CRACD: variants seen among roughly 807,000 people sequenced by gnomAD.
CRACD encodes the protein capping protein inhibiting regulator of actin dynamics.
CRACD carries 56 observed loss-of-function variants against 106.8 expected under a neutral mutation model. The observed-to-expected ratio is 0.52, with a 90% confidence interval of 0.42 to 0.66. The LOEUF is 0.66. Among genes scored for constraint, CRACD ranks in the 30% least tolerant of loss-of-function variants. CRACD has a pLI of 0.00. For missense variants in CRACD, 1,730 were observed against 1,623.2 expected (o/e 1.07, Z -1.13); for synonymous variants, 754 against 670.8 (o/e 1.12, Z -1.92).
At chr4:56,260,927 A>G (rs377018048) in intron 2 of CRACD, among the ~76,000 whole-genome samples, 1 of 138,378 alleles carries the variant, frequency 7.2e-6, no homozygotes, top group Non-Finnish European at 1.6e-5. Flanking sequence ...CCATCCGTCC[A>G]TCCATCCCTC....
intron 1 of CRACD, among the ~76,000 whole-genome samples, chr4:56,077,834 G>C (rs1732894523): frequency 6.6e-6 from 1 of 152,202 alleles, no homozygotes; most frequent in South Asian, 2.1e-4. Flanking sequence ...CAGGGTTACT[G>C]CTGCAATAGG....
At chr4:56,095,553 A>T (rs1733572893) in intron 1 of CRACD, among the ~76,000 whole-genome samples, 1 of 152,132 alleles carries the variant, frequency 6.6e-6, no homozygotes, top group Non-Finnish European at 1.5e-5. Flanking sequence ...CAAGCTGAGG[A>T]CACAGTGTGT....
At chr4:56,161,674 G>C (rs759875582) in intron 1 of CRACD, among the ~76,000 whole-genome samples, 14 of 151,976 alleles carry the variant, frequency 9.2e-5, no homozygotes, top group Non-Finnish European at 1.8e-4. Flanking sequence ...TGGCCAGGTT[G>C]GTCTCGAACT....
chr4:56,203,185 C>T (rs567980523), intron 2 of CRACD, among the ~76,000 whole-genome samples: 1 of 152,186 alleles, frequency 6.6e-6, no homozygotes, highest in Non-Finnish European at 1.5e-5. Context: ...GTAATCTAGC[C>T]AGCAAGTAAA....
At chr4:56,265,285 T>C (rs1454985685) in intron 2 of CRACD, among the ~76,000 whole-genome samples, 1 of 152,206 alleles carries the variant, frequency 6.6e-6, no homozygotes, top group Non-Finnish European at 1.5e-5. Context: ...TTCAGGCCAT[T>C]GTTGTATACA....
chr4:56,105,452 TCATGCCACTGTGCTCCAG>T (rs1733919163), intron 1 of CRACD, among the ~76,000 whole-genome samples: 1 of 152,222 alleles, frequency 6.6e-6, no homozygotes, highest in Non-Finnish European at 1.5e-5. Flanking sequence ...TGAGCCCTGA[TCATGCCACTGTGCTCCAG>T]CATGGGCAAC....
chr4:56,289,701 A>C (rs955441431), intron 3 of CRACD, among the ~76,000 whole-genome samples: 1 of 152,084 alleles, frequency 6.6e-6, no homozygotes, highest in South Asian at 2.1e-4. Flanking sequence ...AAAAAAAAAA[A>C]AAACAAAGTA....
At chr4:56,240,434 TAGG>T (rs749752706) in intron 2 of CRACD, among the ~76,000 whole-genome samples, 3 of 152,188 alleles carry the variant, frequency 2.0e-5, no homozygotes, top group Non-Finnish European at 2.9e-5. Context: ...TTTCTGGCAT[TAGG>T]AGGGCATCAC....
intron 9 of CRACD, 76 bp downstream of exon 9, chr4:56,323,643 AAAAGG>A: frequency 1.5e-6 from 2 of 1,364,448 alleles, no homozygotes; most frequent in Non-Finnish European, 1.9e-6. Flanking sequence ...GATACAAAAC[AAAAGG>A]CTAGCTGGGC....
intron 3 of CRACD, among the ~76,000 whole-genome samples, chr4:56,284,586 G>A (rs994316889): frequency 3.3e-5 from 5 of 152,162 alleles, no homozygotes; most frequent in South Asian, 4.1e-4. Flanking sequence ...TTAGCCAGGC[G>A]TGGTGGTGGG....
At chr4:56,222,093 T>A (rs1577758303) in intron 2 of CRACD, among the ~76,000 whole-genome samples, 1 of 152,336 alleles carries the variant, frequency 6.6e-6, no homozygotes, top group African/African-American at 2.4e-5. Context: ...TGCACGCATA[T>A]GTTTTTTGCA....
chr4:56,260,597 A>G (rs918945709), intron 2 of CRACD, among the ~76,000 whole-genome samples: 2 of 152,202 alleles, frequency 1.3e-5, no homozygotes, highest in Non-Finnish European at 2.9e-5. Context: ...AGGTGTAATG[A>G]AAGTCCACAG....
rs138103502 is a variant in CRACD at position 56,241,455 on chromosome 4, C to T, written c.-188-30866C>T. ...AAGCAACTAGGGTGAATTACCCCTCCCAATTCCTCTGCCTCTAATTTCGTC... is the reference window on the plus strand; with the variant it reads ...AAGCAACTAGGGTGAATTACCCCTCTCAATTCCTCTGCCTCTAATTTCGTC... On this transcript the variant is annotated intron_variant, in intron 2 of 10. Coordinates refer to ENST00000682029, the MANE Select transcript of CRACD (RefSeq NM_001393381.1). Among the ~76,000 whole-genome samples, 24 of 151,978 alleles carry T rather than the reference C, an allele frequency of 1.6e-4. No individual in the cohort carries two copies. The East Asian group carries it at 4.5e-3, about 28-fold the overall frequency.
chr4:56,093,315 T>C (rs564399045), intron 1 of CRACD, among the ~76,000 whole-genome samples: 1 of 152,190 alleles, frequency 6.6e-6, no homozygotes, highest in South Asian at 2.1e-4. Context: ...CTGCCTCCTG[T>C]AGGTACTTGG....
chr4:56,306,324 T>G (rs1023214849), intron 4 of CRACD, among the ~76,000 whole-genome samples: 3 of 152,064 alleles, frequency 2.0e-5, no homozygotes, highest in Non-Finnish European at 4.4e-5. Flanking sequence ...TGAAACCCCA[T>G]CTCTACAAAA....
chr4:56,203,492 T>A (rs537706008), intron 2 of CRACD, among the ~76,000 whole-genome samples: 1 of 152,292 alleles, frequency 6.6e-6, no homozygotes, highest in South Asian at 2.1e-4. Context: ...GTCCATAGAT[T>A]ACAGGCAGGT....
chr4:56,097,232 G>A (rs1197514024), intron 1 of CRACD, among the ~76,000 whole-genome samples: 1 of 152,192 alleles, frequency 6.6e-6, no homozygotes, highest in Non-Finnish European at 1.5e-5. Context: ...GAGGATGGAG[G>A]AGGCCCTGTT....
intron 1 of CRACD, among the ~76,000 whole-genome samples, chr4:56,114,219 G>A (rs981611076): frequency 6.6e-6 from 1 of 150,954 alleles, no homozygotes; most frequent in Admixed American, 6.6e-5. Context: ...GTCAATAGGT[G>A]CTATATACAC....
intron 2 of CRACD, among the ~76,000 whole-genome samples, chr4:56,191,218 G>T (rs1313625713): frequency 6.6e-6 from 1 of 152,216 alleles, no homozygotes; most frequent in African/African-American, 2.4e-5. Flanking sequence ...GAGATCAGAA[G>T]TCTCAAATGA....
Sources: allele counts gnomAD v4.1 joint callset (sites outside exome capture counted in the v4.1 genomes callset), GRCh38; gene constraint gnomAD v4.1.1; transcripts MANE v1.5; gene names NCBI Gene and HGNC (gene_info 2026-07-23, HGNC 2026-07-21).